MYCBP2: variants seen among roughly 807,000 people sequenced by gnomAD.
The protein encoded by MYCBP2 is MYC binding protein 2, also known as E3 ubiquitin-protein ligase MYCBP2.
MYCBP2 carries 120 observed loss-of-function variants against 525.3 expected under a neutral mutation model. The ratio of observed to expected loss-of-function variants is 0.23; its 90% confidence interval spans 0.20 to 0.27. The LOEUF (loss-of-function observed/expected upper bound fraction) is 0.27. MYCBP2 is among the 10% of genes least tolerant of loss of function. The pLI is 1.00. For missense variants in MYCBP2, 4,149 were observed against 5,657.1 expected, an observed-to-expected ratio of 0.73 and a Z score of 8.55; for synonymous variants, 1,894 against 1,955.8, an observed-to-expected ratio of 0.97 and a Z score of 0.83.
intron 55 of MYCBP2, among the ~76,000 whole-genome samples, chr13:77,117,974 C>T (rs1332367275): frequency 1.3e-5 from 2 of 152,082 alleles, no homozygotes; most frequent in African/African-American, 2.4e-5. Context: ...TTCATAGATA[C>T]CAAATTCACT....
intron 15 of MYCBP2, 147 bp from the exon 16 acceptor site, chr13:77,244,098 C>T: frequency 1.1e-6 from 1 of 893,310 alleles, no homozygotes; most frequent in Non-Finnish European, 1.6e-6. Flanking sequence ...CACGATTGTT[C>T]ATTTTAAAGA....
chr13:77,225,639 C>A, intron 18 of MYCBP2, 85 bp from the exon 19 acceptor site: 2 of 1,512,812 alleles, frequency 1.3e-6, no homozygotes, highest in Non-Finnish European at 1.8e-6. Flanking sequence ...TATGGAAGAA[C>A]AAGAGAAAAA....
chr13:77,148,892 TA>T (rs2056044338), intron 47 of MYCBP2, among the ~76,000 whole-genome samples: 1 of 152,152 alleles, frequency 6.6e-6, no homozygotes, highest in South Asian at 2.1e-4. Context: ...ACAAATTTAC[TA>T]GCATCTGTAT....
Position 77,212,139 on chromosome 13 carries a change from T to C in MYCBP2, c.3079A>G (p.Ile1027Val), listed in dbSNP as rs1372667289. 4 of 1,614,098 alleles carry C rather than the reference T, an allele frequency of 2.5e-6. No individual in the cohort carries two copies. The highest frequency in any genetic ancestry group is 1.3e-5 in the African/African-American group (1 of 75,052). ...SFSKGQLGRPILDVPYWNAKP... is the reference protein window; with the variant it reads ...SFSKGQLGRPVLDVPYWNAKP... The stretch of plus-strand genomic sequence containing the variant: ...GCATTCCAATATGGCACATCCAAAA[T>C]TGGTCTGCCCAGTTGTCCTTTCTAA... The change falls in exon 22 of 83, where the codon ATT becomes GTT. Residue 1027 changes from isoleucine to valine, a missense_variant. Ile to Val is a conservative substitution (Grantham distance 29). This residue lies in a region of MYCBP2 where 620 missense variants were observed against 795.5 expected (regional missense o/e 0.78). Coordinates refer to ENST00000544440, the MANE Select transcript of MYCBP2 (RefSeq NM_015057.5).
At position 77,273,392 on chromosome 13, in the gene MYCBP2, G is replaced by T. The variant is rs186522520; in HGVS notation, c.945+80C>A. The T allele has an allele frequency of 2.9e-5, 36 of 1,262,964 alleles. No individual in the cohort carries two copies. In the Admixed American group the frequency reaches 9.2e-4, roughly 32 times the overall value. 78.2% of individuals were successfully genotyped at this position (1,262,964 alleles called of 1,614,324 possible). On this transcript the variant is annotated intron_variant, in intron 5 of 82. Coordinates refer to ENST00000544440, the MANE Select transcript of MYCBP2 (RefSeq NM_015057.5). Reference sequence around the variant, plus strand: ...CTACTGTAATGAGTGAGAAAAAGCAGAATTCCTATTGACAGAAATTGAGAC... The same window carrying T: ...CTACTGTAATGAGTGAGAAAAAGCATAATTCCTATTGACAGAAATTGAGAC...
intron 2 of MYCBP2, among the ~76,000 whole-genome samples, chr13:77,295,399 G>A (rs143702720): frequency 0.017 from 2,640 of 152,116 alleles, 80 homozygotes; most frequent in African/African-American, 0.057. Flanking sequence ...CCCAAAGTGC[G>A]GGGATTACAG....
chr13:77,320,846 C>T (rs1003425376), intron 1 of MYCBP2, among the ~76,000 whole-genome samples: 1 of 152,108 alleles, frequency 6.6e-6, no homozygotes, highest in African/African-American at 2.4e-5. Context: ...AATACAGATA[C>T]AAGACAGAAA....
At position 77,083,020 on chromosome 13, in the gene MYCBP2, T is replaced by C. The variant is rs2043579205; in HGVS notation, c.11036+12A>G. 1 of 1,609,522 alleles carries C rather than the reference T, an allele frequency of 6.2e-7. No individual in the cohort carries two copies. Among genetic ancestry groups the C allele is most frequent in the Non-Finnish European group, 8.5e-7 (1 of 1,177,674 alleles). On this transcript the variant is annotated intron_variant, in intron 63 of 82. Coordinates refer to ENST00000544440, the MANE Select transcript of MYCBP2 (RefSeq NM_015057.5). Reference sequence around the variant, plus strand: ...GTCCAATGTACCTAGGATATGTGGATACCAAAATTACCTCAGGGCCATTTG... The same window carrying C: ...GTCCAATGTACCTAGGATATGTGGACACCAAAATTACCTCAGGGCCATTTG...
At chr13:77,112,015 G>A (rs908803618) in intron 55 of MYCBP2, among the ~76,000 whole-genome samples, 27 of 151,968 alleles carry the variant, frequency 1.8e-4, no homozygotes. Context: ...TCTTGGACAG[G>A]GATAAAAGTT....
chr13:77,061,580 C>T, intron 75 of MYCBP2, 82 bp downstream of exon 75: 1 of 1,478,252 alleles, frequency 6.8e-7, no homozygotes, highest in East Asian at 2.4e-5. Flanking sequence ...CACTTTTTCC[C>T]CCTACTACAC....
chr13:77,296,343 C>T (rs61963479), intron 2 of MYCBP2, among the ~76,000 whole-genome samples: 68 of 151,766 alleles, frequency 4.5e-4, no homozygotes, highest in Admixed American at 9.2e-4. Context: ...TCACTTGAGC[C>T]CAGGAAACTA....
chr13:77,240,514 A>G (rs2068657506), intron 17 of MYCBP2, among the ~76,000 whole-genome samples: 1 of 152,168 alleles, frequency 6.6e-6, no homozygotes, highest in African/African-American at 2.4e-5. Context: ...AGGCTGATGT[A>G]GGAGAATCGC....
At chr13:77,072,935 G>C (rs569857533) in intron 68 of MYCBP2, among the ~76,000 whole-genome samples, 1 of 152,198 alleles carries the variant, frequency 6.6e-6, no homozygotes, top group Admixed American at 6.5e-5. Flanking sequence ...CTTTTAGATA[G>C]TTCTTTCATC....
At chr13:77,121,554 A>G in intron 54 of MYCBP2, 59 bp from the exon 55 acceptor site, 1 of 1,389,334 alleles carries the variant, frequency 7.2e-7, no homozygotes. Flanking sequence ...CTATTCATAC[A>G]ACAAAGAGAG....
chr13:77,325,336 C>A (rs2082156580), intron 1 of MYCBP2, among the ~76,000 whole-genome samples: 1 of 152,142 alleles, frequency 6.6e-6, no homozygotes, highest in African/African-American at 2.4e-5. Context: ...ATGTTTTCCC[C>A]ATGTACTGCA....
intron 3 of MYCBP2, among the ~76,000 whole-genome samples, chr13:77,284,294 C>T (rs1381600875): frequency 6.6e-6 from 1 of 151,556 alleles, no homozygotes; most frequent in Non-Finnish European, 1.5e-5. Flanking sequence ...ATGGGACAGC[C>T]ACACACTTAG....
chr13:77,175,496 T>C (rs1412721467), intron 36 of MYCBP2, among the ~76,000 whole-genome samples: 1 of 152,218 alleles, frequency 6.6e-6, no homozygotes, highest in South Asian at 2.1e-4. Context: ...TAAAAGCTTT[T>C]TGGTTTTTCA....
intron 1 of MYCBP2, among the ~76,000 whole-genome samples, chr13:77,310,030 T>C (rs1356800339): frequency 6.6e-6 from 1 of 152,100 alleles, no homozygotes; most frequent in African/African-American, 2.4e-5. Context: ...AAGAATCTCT[T>C]GAACTCAGGA....
chr13:77,294,164 A>C (rs1441788290), intron 2 of MYCBP2, among the ~76,000 whole-genome samples: 1 of 138,966 alleles, frequency 7.2e-6, no homozygotes, highest in Non-Finnish European at 1.6e-5. Flanking sequence ...AATATATATA[A>C]AGTAGATATA....
Sources: gnomAD v4.1 joint callset for allele counts (sites outside exome capture counted in the v4.1 genomes callset) on GRCh38, gnomAD v4.1.1 for gene constraint, gnomAD v4.1.1 regional missense constraint, MANE v1.5 for transcripts, NCBI Gene and HGNC (gene_info 2026-07-23, HGNC 2026-07-21) for gene names.